The following IRAK1BP1 variants were observed in gnomAD, a reference collection of about 807,000 sequenced individuals.
The protein encoded by IRAK1BP1 is interleukin 1 receptor associated kinase 1 binding protein 1.
Under a neutral mutation model 28.0 loss-of-function variants are expected in IRAK1BP1, and 24 were observed. The ratio of observed to expected loss-of-function variants is 0.86; its 90% CI spans 0.62 to 1.20. The LOEUF (loss-of-function observed/expected upper bound fraction) is 1.20, where lower values mean the gene tolerates loss of function less well. Among genes scored for constraint, IRAK1BP1 ranks in the 50% most tolerant of loss-of-function variants. The probability of loss-of-function intolerance (pLI) is 0.00; values close to 1 mark genes in which losing one functional copy is unlikely to be tolerated. For missense variants in IRAK1BP1, 336 were observed against 316.7 expected, an observed-to-expected ratio of 1.06 and a Z score of -0.46; for synonymous variants, 131 against 116.3, an observed-to-expected ratio of 1.13 and a Z score of -0.81.
In IRAK1BP1 at chr6:78,885,564, C is replaced by G. The variant is rs539334915; in HGVS notation, c.381+121C>G. 485 of 506,908 alleles carry G rather than the reference C, an allele frequency of 9.6e-4. 5 individuals carry two copies. Among genetic ancestry groups the G allele is most frequent in the Middle Eastern group, 4.5e-3 (14 of 3,116 alleles). 31.4% of individuals were successfully genotyped at this position (506,908 alleles called of 1,614,324 possible). ...GATATTAATAGAAGATTATTTTTCT[C>G]AAAATCATCTTGGTGTTATATATCT... On this transcript the variant is annotated intron_variant, in intron 2 of 3. Coordinates refer to ENST00000369940, the MANE Select transcript of IRAK1BP1 (RefSeq NM_001010844.4).
intron 1 of IRAK1BP1, among the ~76,000 whole-genome samples, chr6:78,872,859 T>C (rs1770838110): frequency 6.6e-6 from 1 of 152,216 alleles, no homozygotes; most frequent in Non-Finnish European, 1.5e-5. Flanking sequence ...TTTTATCATT[T>C]GAACTTAAAC....
chr6:78,917,742 C>A (rs377508636), intron 4 of IRAK1BP1, among the ~76,000 whole-genome samples: 18 of 150,734 alleles, frequency 1.2e-4, no homozygotes, highest in African/African-American at 4.4e-4. Flanking sequence ...AGAAAGCTAA[C>A]AGCAGGAGAT....
intron 4 of IRAK1BP1, among the ~76,000 whole-genome samples, chr6:78,919,503 A>G (rs1277728608): frequency 2.0e-5 from 3 of 152,168 alleles, no homozygotes; most frequent in African/African-American, 7.2e-5. Flanking sequence ...AGAAATTACA[A>G]AGGTGACATT....
In IRAK1BP1 at chr6:78,943,440, A is replaced by C. The variant is rs752103215; in HGVS notation, c.*68-1968A>C. On this transcript the variant is annotated intron_variant and NMD_transcript_variant, in intron 4 of 4. Coordinates refer to the IRAK1BP1 transcript ENST00000606868. ...TTCTCTAGGATTCATGAATAAAAAG[A>C]AGCAAGGCCAATATACTATTCAAAC... Among the ~76,000 whole-genome samples the C allele has an allele frequency of 3.9e-5, 6 of 152,202 alleles. No homozygotes were observed. The East Asian group carries it at 5.8e-4, about 15-fold the overall frequency.
At chr6:78,871,035 G>A (rs1770776507) in intron 1 of IRAK1BP1, among the ~76,000 whole-genome samples, 1 of 151,876 alleles carries the variant, frequency 6.6e-6, no homozygotes, top group African/African-American at 2.4e-5. Context: ...ACTTTATATT[G>A]TCTTAGTTTG....
the IRAK1BP1 span, among the ~76,000 whole-genome samples, chr6:78,968,311 T>C: frequency 6.6e-6 from 1 of 152,134 alleles, no homozygotes; most frequent in African/African-American, 2.4e-5. Context: ...AGTATCAGAG[T>C]TGATTCTTGA....
the IRAK1BP1 span, among the ~76,000 whole-genome samples, chr6:78,969,410 T>A: frequency 6.6e-6 from 1 of 152,224 alleles, no homozygotes; most frequent in Admixed American, 6.5e-5. Context: ...TTACAGATTT[T>A]AGTTTCTTTG....
chr6:78,978,635 G>T, the IRAK1BP1 span: 3 of 1,594,110 alleles, frequency 1.9e-6, no homozygotes, highest in Non-Finnish European at 2.6e-6. Context: ...TCGGGGAATG[G>T]TATCTGTAAT....
At chr6:78,942,951 AG>A (rs1420097929) in intron 4 of IRAK1BP1, among the ~76,000 whole-genome samples, 2 of 152,234 alleles carry the variant, frequency 1.3e-5, no homozygotes, top group Non-Finnish European at 2.9e-5. Flanking sequence ...TTTTTAAAAA[AG>A]TTTAAAAACC....
intron 2 of IRAK1BP1, among the ~76,000 whole-genome samples, chr6:78,893,981 A>G (rs1385558058): frequency 6.6e-6 from 1 of 152,190 alleles, no homozygotes; most frequent in Non-Finnish European, 1.5e-5. Flanking sequence ...AAATTATATA[A>G]CAACAATAGC....
chr6:78,876,312 G>A (rs1038123469), intron 1 of IRAK1BP1, among the ~76,000 whole-genome samples: 3 of 152,146 alleles, frequency 2.0e-5, no homozygotes, highest in Non-Finnish European at 4.4e-5. Context: ...CAGCCATGTG[G>A]AACTGAGAGT....
intron 4 of IRAK1BP1, among the ~76,000 whole-genome samples, chr6:78,923,241 C>T (rs1371772885): frequency 1.4e-5 from 2 of 147,232 alleles, no homozygotes. Context: ...CTACCAAGCA[C>T]ATGGAAAAAA....
the IRAK1BP1 span, among the ~76,000 whole-genome samples, chr6:78,961,973 C>T: frequency 6.6e-6 from 1 of 151,994 alleles, no homozygotes; most frequent in African/African-American, 2.4e-5. Flanking sequence ...AAGAGTCTCA[C>T]TTTTTATTAT....
chr6:78,936,311 CAT>C (rs540254149), intron 4 of IRAK1BP1: 67 of 152,028 alleles, frequency 4.4e-4, no homozygotes, highest in Admixed American at 1.6e-3. Flanking sequence ...ACATTCTACA[CAT>C]GTCTAAATAT....
chr6:78,955,793 G>C, the IRAK1BP1 span: 1 of 491,790 alleles, frequency 2.0e-6, no homozygotes, highest in Non-Finnish European at 3.7e-6. Flanking sequence ...CTGAAGGCTT[G>C]CTTTCTTCTC....
chr6:78,949,490 C>A (rs1407882510), downstream of IRAK1BP1, among the ~76,000 whole-genome samples: 1 of 152,016 alleles, frequency 6.6e-6, no homozygotes, highest in Non-Finnish European at 1.5e-5. Context: ...TGCCCCAGGG[C>A]CCACTGGAAT....
chr6:78,937,033 A>G (rs1305310875), intron 4 of IRAK1BP1: 1 of 151,816 alleles, frequency 6.6e-6, no homozygotes, highest in Non-Finnish European at 1.5e-5. Flanking sequence ...TTAGGTTAAT[A>G]GGAGTAATCA....
In IRAK1BP1 at chr6:78,931,131, T is replaced by C. The variant is rs140786792; in HGVS notation, c.*68-14277T>C. 6.3e-3 allele frequency among the ~76,000 whole-genome samples: 965 copies of C among 152,174 alleles called. 19 individuals carry two copies. The highest frequency in any genetic ancestry group is 0.022 in the African/African-American group (909 of 41,526). On this transcript the variant is annotated intron_variant and NMD_transcript_variant, in intron 4 of 4. Transcript: ENST00000606868. Reference sequence around the variant, plus strand: ...AAATTTCAGGATGGGCTGGGCTTAGTGGTTCATGCATGTAATCTTAGCACA... The same window carrying C: ...AAATTTCAGGATGGGCTGGGCTTAGCGGTTCATGCATGTAATCTTAGCACA...
chr6:78,941,023 T>G lies in IRAK1BP1; in HGVS notation c.*68-4385T>G, dbSNP rs368832425. 353 of 1,613,958 alleles carry G rather than the reference T, an allele frequency of 2.2e-4. No individual in the cohort carries two copies. The highest frequency in any genetic ancestry group is 7.7e-5 in the South Asian group (7 of 91,070). ...TCATCTTCCTTTTGGGCTTCCTACC[T>G]CCACGATTCTTTTTCTGTAACAAAT... On this transcript the variant is annotated intron_variant and NMD_transcript_variant, in intron 4 of 4. Coordinates refer to the IRAK1BP1 transcript ENST00000606868.
Sources: allele counts gnomAD v4.1 joint callset (sites outside exome capture counted in the v4.1 genomes callset), GRCh38; gene constraint gnomAD v4.1.1; transcripts MANE v1.5; gene names NCBI Gene and HGNC (gene_info 2026-07-23, HGNC 2026-07-21).